Variants in CAVIN1 observed in about 807,000 individuals in gnomAD.
CAVIN1 encodes the protein caveolae associated protein 1.
CAVIN1 carries 16 observed loss-of-function variants against 24.0 expected under a neutral mutation model. The ratio of observed to expected loss-of-function variants is 0.67; its 90% CI spans 0.45 to 1.01. The LOEUF (loss-of-function observed/expected upper bound fraction) is 1.01, where lower values mean the gene tolerates loss of function less well. CAVIN1 is among the 50% of genes least tolerant of loss of function. The probability of loss-of-function intolerance (pLI) is 0.00; values close to 1 mark genes in which losing one functional copy is unlikely to be tolerated. For synonymous variants in CAVIN1, 256 were observed against 256.4 expected, an observed-to-expected ratio of 1.00 and a Z score of 0.02; for missense variants, 510 against 551.7, an observed-to-expected ratio of 0.92 and a Z score of 0.76.
At chr17:42,405,585 G>A (rs2085439563) in intron 1 of CAVIN1, among the ~76,000 whole-genome samples, 197 bp from the exon 2 acceptor site, 1 of 151,860 alleles carries the variant, frequency 6.6e-6, no homozygotes, top group African/African-American at 2.4e-5. Context: ...GCAGGAGGAT[G>A]GCTTGAGTCC....
chr17:42,405,289 G>GCTCGCCCTCGCCCAGCTC lies in CAVIN1; in HGVS notation c.553_570dup (p.Glu185_Glu190dup), dbSNP rs537998274. 384 of 1,612,404 alleles carry GCTCGCCCTCGCCCAGCTC rather than the reference G, an allele frequency of 2.4e-4. 1 individual carries two copies. The African/African-American group carries it at 4.4e-3, about 19-fold the overall frequency. On this transcript the variant is annotated inframe_insertion, in exon 2 of 2. Transcript: ENST00000357037. ...AGCGCCGCTGCGTCCTCCTCGGGCC[G>GCTCGCCCTCGCCCAGCTC]CTCGCCCTCGCCCAGCTCCTCGCCC...
At position 42,404,968 on chromosome 17, in the gene CAVIN1, G is replaced by C. The variant is rs1398981865; in HGVS notation, c.892C>G (p.Arg298Gly). The C allele has an allele frequency of 1.9e-6, 3 of 1,614,020 alleles. No individual in the cohort carries two copies. Among genetic ancestry groups the C allele is most frequent in the Non-Finnish European group, 2.5e-6 (3 of 1,180,006 alleles). The change falls in exon 2 of 2, where the codon CGC (arginine) becomes GGC (glycine). Residue 298 changes from arginine (R) to glycine (G), a missense_variant. Transcript: ENST00000357037. ...ACGTGGTCGGGCGTGAAGGATTTGC[G>C]CAACTTGTCCCGCGACGTCTTCAGT... is the stretch of plus-strand genomic sequence containing the variant. ...EKLKTSRDKL[R>G]KSFTPDHVVY...
At chr17:42,413,054 C>G (rs575346345) in intron 1 of CAVIN1, among the ~76,000 whole-genome samples, 23 of 152,076 alleles carry the variant, frequency 1.5e-4, no homozygotes, top group African/African-American at 5.5e-4. Context: ...GCCTCAGCCT[C>G]CCAAGTAGCT....
In CAVIN1 at chr17:42,412,389, CTTTTTTTTTTTT is replaced by C. The variant is rs34186503; in HGVS notation, c.472-7013_472-7002del. On this transcript the variant is annotated intron_variant, in intron 1 of 1. Transcript: ENST00000357037. ...AATGTATTAGGATGGAAATAAACCACTTTTTTTTTTTTTTTTTTTTTAGAAATGGGGGTCTTG... is the reference window on the plus strand; with the variant it reads ...AATGTATTAGGATGGAAATAAACCACTTTTTTTTTAGAAATGGGGGTCTTG... 5 of 203,290 alleles carry C rather than the reference CTTTTTTTTTTTT, an allele frequency of 2.5e-5. No individual in the cohort carries two copies. The South Asian group carries it at 5.7e-4, about 23-fold the overall frequency. 12.6% of individuals were successfully genotyped at this position (203,290 alleles called of 1,614,324 possible).
intron 1 of CAVIN1, among the ~76,000 whole-genome samples, chr17:42,413,383 T>C (rs963319867): frequency 7.3e-5 from 11 of 151,610 alleles, no homozygotes; most frequent in Admixed American, 1.3e-4. Flanking sequence ...CTCAGCAACA[T>C]TGCCCAGGTC....
Position 42,404,918 on chromosome 17 carries a change from C to G in CAVIN1, c.942G>C (p.Ala314=). 6 of 1,614,060 alleles carry G rather than the reference C, an allele frequency of 3.7e-6. No homozygotes were observed. The highest frequency in any genetic ancestry group is 5.1e-6 in the Non-Finnish European group (6 of 1,179,958). The stretch of plus-strand genomic sequence containing the variant: ...AGGTGAAGGGTGGCACCTTGTAGAC[C>G]GCGGTCTTGGAGCGCGCGTACACCA... ...DHVVYARSKT[A]VYKVPPFTFH... is the part of the protein sequence containing the mutation. Residue 314 remains alanine (A), a synonymous_variant, in exon 2 of 2, where the codon GCG becomes GCC. Transcript: ENST00000357037.
rs146295633 is a variant in CAVIN1 at position 42,422,909 on chromosome 17, C to T, written c.189G>A (p.Gly63=). 1 of 1,613,970 alleles carries T rather than the reference C, an allele frequency of 6.2e-7. No homozygotes were observed. The highest frequency in any genetic ancestry group is 1.3e-5 in the African/African-American group (1 of 74,940). ...LVLSLLDKII[G]AVDQIQLTQA... ...GAGTCAGCTGGATCTGGTCTACGGCCCCGATGATTTTGTCCAGGAGGCTCA... is the reference window on the plus strand; with the variant it reads ...GAGTCAGCTGGATCTGGTCTACGGCTCCGATGATTTTGTCCAGGAGGCTCA... The change falls in exon 1 of 2, where the codon GGG becomes GGA. Residue 63 remains glycine, a synonymous_variant. Transcript: ENST00000357037.
intron 1 of CAVIN1, chr17:42,412,377 G>T: frequency 3.4e-6 from 2 of 581,528 alleles, no homozygotes; most frequent in South Asian, 7.5e-5. Flanking sequence ...GTATTAGGAT[G>T]GAAATAAACC....
intron 1 of CAVIN1, among the ~76,000 whole-genome samples, chr17:42,411,201 A>AC (rs2085475130): frequency 6.8e-6 from 1 of 147,048 alleles, no homozygotes; most frequent in African/African-American, 2.5e-5. Context: ...TCAAAAAAAA[A>AC]AAAAAAAACT....
rs561903224 is a variant in CAVIN1, at chr17:42,414,082, G to A, written c.471+8545C>T. Among the ~76,000 whole-genome samples the A allele has an allele frequency of 4.6e-5, 7 of 152,148 alleles. No individual in the cohort carries two copies. The East Asian group carries it at 1.2e-3, about 25-fold the overall frequency. Reference sequence around the variant, plus strand: ...CCGGCTAATTTTTTTTGTATTTTTGGTAGAGACGGAGTTTCGCCATGTTGG... The same window carrying A: ...CCGGCTAATTTTTTTTGTATTTTTGATAGAGACGGAGTTTCGCCATGTTGG... On this transcript the variant is annotated intron_variant, in intron 1 of 1. Coordinates refer to ENST00000357037, the MANE Select transcript of CAVIN1 (RefSeq NM_012232.6).
At chr17:42,414,957 A>T (rs1261050976) in intron 1 of CAVIN1, among the ~76,000 whole-genome samples, 1 of 62,892 alleles carries the variant, frequency 1.6e-5, no homozygotes, top group Non-Finnish European at 3.2e-5. Context: ...TTTCTCCCCT[A>T]CACCCCTCCC....
At chr17:42,415,989 C>T (rs2085509532) in intron 1 of CAVIN1, among the ~76,000 whole-genome samples, 1 of 152,144 alleles carries the variant, frequency 6.6e-6, no homozygotes, top group South Asian at 2.1e-4. Flanking sequence ...CGCCTGTAAC[C>T]CCAGCACTTT....
intron 1 of CAVIN1, among the ~76,000 whole-genome samples, chr17:42,406,014 T>C (rs2085444528): frequency 6.6e-6 from 1 of 152,168 alleles, no homozygotes; most frequent in Non-Finnish European, 1.5e-5. Flanking sequence ...AAAAAACATG[T>C]GTGTTGAACG....
chr17:42,423,241 G>A lies in CAVIN1; in HGVS notation c.-144C>T, dbSNP rs572258727. ...CTCGAGCCACGTCCGTGCGCACCGG[G>A]ACAGCGGCCAGAACTGCTGGGCGGG... On this transcript the variant is annotated 5_prime_UTR_variant, in exon 1 of 2. Transcript: ENST00000357037. 4.4e-6 allele frequency: 3 copies of A among 681,112 alleles called. No individual in the cohort carries two copies. The African/African-American group carries it at 5.4e-5, about 12-fold the overall frequency. The allele number at this position is 681,112 out of a possible 1,614,324, so 42.2% of individuals were successfully genotyped here.
At chr17:42,411,259 A>G (rs928768239) in intron 1 of CAVIN1, 3 of 161,324 alleles carry the variant, frequency 1.9e-5, no homozygotes, top group Non-Finnish European at 3.9e-5. Context: ...ACAACCATCA[A>G]CAACAAAAAC....
At chr17:42,406,510 G>T (rs2085447549) in intron 1 of CAVIN1, among the ~76,000 whole-genome samples, 1 of 152,078 alleles carries the variant, frequency 6.6e-6, no homozygotes, top group African/African-American at 2.4e-5. Flanking sequence ...GAGTAGCTGG[G>T]ACTGCAGGCA....
chr17:42,415,556 C>T (rs552066615), intron 1 of CAVIN1, among the ~76,000 whole-genome samples: 3 of 151,862 alleles, frequency 2.0e-5, no homozygotes, highest in East Asian at 3.9e-4. Flanking sequence ...CCAAAAAATA[C>T]AAAAATTAGC....
intron 1 of CAVIN1, among the ~76,000 whole-genome samples, chr17:42,417,892 T>C (rs1490374297): frequency 1.3e-5 from 2 of 152,148 alleles, no homozygotes; most frequent in African/African-American, 4.8e-5. Flanking sequence ...ACTCCTGACC[T>C]CAAGTGATCT....
intron 1 of CAVIN1, chr17:42,411,697 C>G: frequency 1.0e-6 from 1 of 985,440 alleles, no homozygotes; most frequent in Non-Finnish European, 1.2e-6. Flanking sequence ...TTGAGCCAAA[C>G]TGGGTTGTCC....
Sources: allele counts gnomAD v4.1 joint callset (sites outside exome capture counted in the v4.1 genomes callset), GRCh38; gene constraint gnomAD v4.1.1; transcripts MANE v1.5; gene names NCBI Gene and HGNC (gene_info 2026-07-23, HGNC 2026-07-21).